OR1F1: variants seen among roughly 807,000 people sequenced by gnomAD.
The protein encoded by OR1F1 is olfactory receptor 1F1.
For synonymous variants in OR1F1, 184 were observed against 156.7 expected (o/e 1.17, Z -1.30); for missense variants, 493 against 376.3 (o/e 1.31, Z -2.57).
upstream of OR1F1, among the ~76,000 whole-genome samples, chr16:3,201,360 G>T (rs6501151): frequency 0.28 from 42,400 of 151,900 alleles, 6,539 homozygotes; most frequent in African/African-American, 0.42. Flanking sequence ...TGGATTGTAT[G>T]GTAATTGTAT....
the OR1F1 span, among the ~76,000 whole-genome samples, chr16:3,192,878 G>A: frequency 1.3e-5 from 2 of 152,108 alleles, no homozygotes; most frequent in African/African-American, 4.8e-5. Flanking sequence ...GACTCGCGCC[G>A]TCTGCAATCT....
chr16:3,203,328 C>T (rs1169924510), upstream of OR1F1, among the ~76,000 whole-genome samples: 1 of 152,200 alleles, frequency 6.6e-6, no homozygotes, highest in East Asian at 1.9e-4. Context: ...TGCAGCCCAG[C>T]TCCTGATTCA....
chr16:3,203,172 G>T (rs905041308), upstream of OR1F1, among the ~76,000 whole-genome samples: 2 of 152,210 alleles, frequency 1.3e-5, no homozygotes, highest in African/African-American at 2.4e-5. Flanking sequence ...GGACACAAAA[G>T]AGCCAAGGAG....
chr16:3,204,213 C>G (rs777720597), upstream of OR1F1: 1 of 1,511,854 alleles, frequency 6.6e-7, no homozygotes, highest in Non-Finnish European at 8.9e-7. Context: ...ATTTCGTCTT[C>G]TTTGTCTGCC....
upstream of OR1F1, among the ~76,000 whole-genome samples, chr16:3,200,431 ACT>A (rs536709115): frequency 7.2e-4 from 109 of 152,202 alleles, 1 homozygote; most frequent in Admixed American, 3.9e-3. Flanking sequence ...ATATGGTGAA[ACT>A]CTGTCTCTAC....
chr16:3,193,352 G>A, the OR1F1 span, among the ~76,000 whole-genome samples: 3 of 152,204 alleles, frequency 2.0e-5, no homozygotes, highest in African/African-American at 4.8e-5. Context: ...GAGACCCTCC[G>A]TTGCTCTCTG....
At chr16:3,204,988 G>A in exon 1 of OR1F1, 2 of 1,614,062 alleles carry the variant, frequency 1.2e-6, no homozygotes, top group Middle Eastern at 1.6e-4. Context: ...CCTGGCTGTG[G>A]TTCTCCTCTT....
At chr16:3,190,469 G>A in the OR1F1 span, among the ~76,000 whole-genome samples, 2 of 152,214 alleles carry the variant, frequency 1.3e-5, no homozygotes, top group African/African-American at 4.8e-5. Context: ...AGCACAAGGA[G>A]GCAGGGAGGC....
the OR1F1 span, among the ~76,000 whole-genome samples, chr16:3,199,004 G>T: frequency 6.7e-6 from 1 of 149,474 alleles, no homozygotes; most frequent in African/African-American, 2.5e-5. Context: ...AGAAGGTGAG[G>T]ATGGTGGCTC....
At chr16:3,189,233 G>C in the OR1F1 span, among the ~76,000 whole-genome samples, 8 of 152,316 alleles carry the variant, frequency 5.3e-5, no homozygotes, top group East Asian at 9.6e-4. Context: ...CCACGCTGAG[G>C]GACTGCAGCG....
downstream of OR1F1, among the ~76,000 whole-genome samples, chr16:3,206,131 TG>T (rs1422988565): frequency 6.6e-6 from 1 of 152,220 alleles, no homozygotes; most frequent in Non-Finnish European, 1.5e-5. Context: ...ATGGCTGCTC[TG>T]GGAGAGTCTG....
chr16:3,191,663 A>G, the OR1F1 span, among the ~76,000 whole-genome samples: 4 of 152,064 alleles, frequency 2.6e-5, no homozygotes, highest in African/African-American at 9.7e-5. Flanking sequence ...CTGTGATGGT[A>G]TCCCCTCAAT....
chr16:3,193,812 G>T, the OR1F1 span, among the ~76,000 whole-genome samples: 1 of 152,262 alleles, frequency 6.6e-6, no homozygotes, highest in East Asian at 1.9e-4. Context: ...GCTCAAGCTG[G>T]CATACTTCCT....
At chr16:3,200,799 C>G (rs1311413153), upstream of OR1F1, among the ~76,000 whole-genome samples, 1 of 152,064 alleles carries the variant, frequency 6.6e-6, no homozygotes, top group Non-Finnish European at 1.5e-5. Context: ...TTGCTGTGTC[C>G]CAAGAACATG....
At chr16:3,191,905 G>C in the OR1F1 span, among the ~76,000 whole-genome samples, 85,166 of 151,950 alleles carry the variant, frequency 0.56, 25,422 homozygotes, top group African/African-American at 0.77. Context: ...CCAGTCTCCT[G>C]TCACTTTGCT....
chr16:3,196,184 C>T, the OR1F1 span, among the ~76,000 whole-genome samples: 145 of 152,338 alleles, frequency 9.5e-4, no homozygotes, highest in African/African-American at 3.4e-3. Flanking sequence ...GAGCACAAGA[C>T]TCTTAATCTC....
At chr16:3,192,070 T>C in the OR1F1 span, among the ~76,000 whole-genome samples, 4,503 of 152,194 alleles carry the variant, frequency 0.03, 221 homozygotes, top group African/African-American at 0.1. Context: ...CCTCTTCTTA[T>C]TTTTGAGACA....
chr16:3,202,402 T>C (rs1218257252), upstream of OR1F1, among the ~76,000 whole-genome samples: 1 of 152,192 alleles, frequency 6.6e-6, no homozygotes, highest in Non-Finnish European at 1.5e-5. Context: ...TTGGATTTTG[T>C]AATGACATTA....
At chr16:3,193,808 G>A in the OR1F1 span, among the ~76,000 whole-genome samples, 1 of 152,174 alleles carries the variant, frequency 6.6e-6, no homozygotes, top group Non-Finnish European at 1.5e-5. Flanking sequence ...TGTTGCTCAA[G>A]CTGGCATACT....
Sources: gnomAD v4.1 joint callset for allele counts (sites outside exome capture counted in the v4.1 genomes callset) on GRCh38, gnomAD v4.1.1 for gene constraint, MANE v1.5 for transcripts, NCBI Gene and HGNC (gene_info 2026-07-23, HGNC 2026-07-21) for gene names.